ZFYVE16: variants seen among roughly 807,000 people sequenced by gnomAD.
The protein encoded by ZFYVE16 is zinc finger FYVE-type containing 16, also known as zinc finger FYVE domain-containing protein 16.
Under a neutral mutation model 138.1 loss-of-function variants are expected in ZFYVE16, and 89 were observed. That is an observed-to-expected ratio of 0.64 (90% CI 0.54 to 0.77). The LOEUF is 0.77. ZFYVE16 is among the 30% of genes least tolerant of loss of function. The probability of loss-of-function intolerance (pLI) is 0.00; values close to 1 mark genes in which losing one functional copy is unlikely to be tolerated. For synonymous variants in ZFYVE16, 596 were observed against 618.3 expected (o/e 0.96, Z 0.53); for missense variants, 1,793 against 1,786.7 (o/e 1.00, Z -0.06).
chr5:80,452,365 G>T (rs1580287045), intron 11 of ZFYVE16: 1 of 149,092 alleles, frequency 6.7e-6, no homozygotes, highest in East Asian at 2.0e-4. Flanking sequence ...AACCCAGGAG[G>T]CAGATTTGCA....
chr5:80,420,268 A>G (rs1418392770), intron 1 of ZFYVE16, among the ~76,000 whole-genome samples: 2 of 151,888 alleles, frequency 1.3e-5, no homozygotes, highest in East Asian at 1.9e-4. Context: ...CACCACGCCC[A>G]GCTAATTTTT....
chr5:80,460,707 AT>A (rs1202513467), intron 15 of ZFYVE16, among the ~76,000 whole-genome samples: 1 of 152,014 alleles, frequency 6.6e-6, no homozygotes, highest in Non-Finnish European at 1.5e-5. Flanking sequence ...AGCATGTTTT[AT>A]TTGCACAAGA....
intron 15 of ZFYVE16, among the ~76,000 whole-genome samples, chr5:80,468,031 A>G (rs554047115): frequency 1.3e-5 from 2 of 152,212 alleles, no homozygotes; most frequent in South Asian, 4.2e-4. Flanking sequence ...CTGTACCCCA[A>G]GCTACTCAGG....
chr5:80,425,236 G>A (rs1040375456), intron 1 of ZFYVE16, among the ~76,000 whole-genome samples: 5 of 151,996 alleles, frequency 3.3e-5, no homozygotes, highest in Admixed American at 2.6e-4. Flanking sequence ...TCGTCCCTCT[G>A]GGCATTACTT....
intron 5 of ZFYVE16, chr5:80,440,413 AG>A: frequency 5.1e-6 from 5 of 987,450 alleles, no homozygotes; most frequent in Non-Finnish European, 6.0e-6. Context: ...TTAATAGCAC[AG>A]GGCAAGATAA....
chr5:80,442,843 A>G (rs1390997850), intron 5 of ZFYVE16, among the ~76,000 whole-genome samples: 1 of 152,234 alleles, frequency 6.6e-6, no homozygotes, highest in Non-Finnish European at 1.5e-5. Flanking sequence ...AAAAACAGAG[A>G]CAGTCATGTA....
intron 14 of ZFYVE16, among the ~76,000 whole-genome samples, 166 bp from the exon 15 acceptor site, chr5:80,459,248 A>C (rs1404450663): frequency 6.6e-6 from 1 of 152,186 alleles, no homozygotes; most frequent in African/African-American, 2.4e-5. Context: ...ATTTTAATGT[A>C]ATATTTTATC....
rs907635998 is a variant in ZFYVE16 at position 80,480,093 on chromosome 5, C to G, written c.*2716C>G. The stretch of plus-strand genomic sequence containing the variant: ...TACTTTTCAAATATGTCTAGTAACA[C>G]ATAGTAAAAAGTAGTCATATAAGGA... On this transcript the variant is annotated 3_prime_UTR_variant, in exon 19 of 19. Transcript: ENST00000505560. 1.5e-4 allele frequency among the ~76,000 whole-genome samples: 23 copies of G among 150,378 alleles called. No individual in the cohort carries two copies. Among genetic ancestry groups the G allele is most frequent in the African/African-American group, 5.5e-4 (22 of 39,810 alleles).
chr5:80,438,961 A>G lies in ZFYVE16; in HGVS notation c.2276A>G (p.Lys759Arg), dbSNP rs1487640289. The G allele has an allele frequency of 8.1e-6, 13 of 1,613,320 alleles. No individual in the cohort carries two copies. The Middle Eastern group carries it at 4.9e-4, about 61-fold the overall frequency. ...CCAAACTGTATGAACTGCCAAGTCA[A>G]ATTTACTTTTACCAAACGGCGACAC... ...EAPNCMNCQV[K>R]FTFTKRRHHC... is the part of the protein sequence containing the mutation. Residue 759 changes from lysine (K) to arginine (R), a missense_variant, in exon 4 of 19, where the codon AAA becomes AGA. Physicochemically the swap from Lys to Arg is conservative, Grantham distance 26 (BLOSUM62 2). This residue lies in a region of ZFYVE16 where 1,295 missense variants were observed against 1,204.3 expected (regional missense o/e 1.08). Coordinates refer to ENST00000505560, the MANE Select transcript of ZFYVE16 (RefSeq NM_001284236.3).
intron 9 of ZFYVE16, 35 bp downstream of exon 9, chr5:80,449,748 T>G: frequency 3.9e-6 from 6 of 1,551,918 alleles, no homozygotes; most frequent in Non-Finnish European, 5.2e-6. Flanking sequence ...GCTTAATTGG[T>G]AAGCAGGATT....
At chr5:80,475,734 A>G (rs1314652714) in intron 18 of ZFYVE16, among the ~76,000 whole-genome samples, 1 of 152,132 alleles carries the variant, frequency 6.6e-6, no homozygotes, top group Non-Finnish European at 1.5e-5. Flanking sequence ...AATTTATCTA[A>G]CTAATTATTC....
chr5:80,420,089 C>T (rs1167539839), intron 1 of ZFYVE16, among the ~76,000 whole-genome samples: 1 of 148,564 alleles, frequency 6.7e-6, no homozygotes, highest in East Asian at 2.0e-4. Context: ...GGATTACAGG[C>T]GTGAGCCAGC....
At chr5:80,429,292 A>G (rs1376937939) in intron 2 of ZFYVE16, among the ~76,000 whole-genome samples, 3 of 152,250 alleles carry the variant, frequency 2.0e-5, no homozygotes, top group Non-Finnish European at 2.9e-5. Context: ...GTGGGGGCCA[A>G]TATCAACATT....
At position 80,478,379 on chromosome 5, in the gene ZFYVE16, T is replaced by G. The variant is rs542173345; in HGVS notation, c.*1002T>G. ...TGTATAAGTATAAATTTAAATGAAC[T>G]AATTACTTTTGCATATTTTAAATTC... On this transcript the variant is annotated 3_prime_UTR_variant, in exon 19 of 19. Coordinates refer to ENST00000505560, the MANE Select transcript of ZFYVE16 (RefSeq NM_001284236.3). The G allele has an allele frequency of 4.4e-4, 67 of 152,200 alleles. No individual in the cohort carries two copies. The highest frequency in any genetic ancestry group is 1.5e-3 in the African/African-American group (64 of 41,574). 9.4% of individuals were successfully genotyped at this position (152,200 alleles called of 1,614,324 possible).
chr5:80,445,697 A>G (rs1400797772), intron 7 of ZFYVE16, among the ~76,000 whole-genome samples: 1 of 151,900 alleles, frequency 6.6e-6, no homozygotes, highest in Admixed American at 6.6e-5. Flanking sequence ...AGTAGCTGGG[A>G]TCACAGAAGT....
chr5:80,438,037 T>C lies in ZFYVE16; in HGVS notation c.1352T>C (p.Met451Thr), dbSNP rs1043400529. The change falls in exon 4 of 19, where the codon ATG (methionine) becomes ACG (threonine). Residue 451 changes from methionine (M) to threonine (T), a missense_variant. Met to Thr is a moderately conservative substitution (Grantham distance 81, BLOSUM62 -1). Transcript: ENST00000505560. The stretch of plus-strand genomic sequence containing the variant: ...CTCCTTCAGTCATTAATTGAAGGGA[T>C]GGAAGACAGAAAGATAGATCCTGAC... ...SILLQSLIEGMEDRKIDPDQT... is the reference protein window; with the variant it reads ...SILLQSLIEGTEDRKIDPDQT... 1 of 1,614,026 alleles carries C rather than the reference T, an allele frequency of 6.2e-7. No individual in the cohort carries two copies. Among genetic ancestry groups the C allele is most frequent in the Non-Finnish European group, 8.5e-7 (1 of 1,179,996 alleles).
At chr5:80,419,684 T>C (rs927316028) in intron 1 of ZFYVE16, among the ~76,000 whole-genome samples, 2 of 151,926 alleles carry the variant, frequency 1.3e-5, no homozygotes, top group Non-Finnish European at 2.9e-5. Flanking sequence ...GCTGATTCTT[T>C]CTCTTTTCAT....
In ZFYVE16 at chr5:80,434,138, T is replaced by C. The variant is rs749257174; in HGVS notation, c.-10T>C. ...ACAAGAATTAAATTCTGAATAAGTC[T>C]GCAGGTAGGATGGACAGTTATTTTA... On this transcript the variant is annotated 5_prime_UTR_variant, in exon 3 of 19. Transcript: ENST00000505560. The C allele has an allele frequency of 6.2e-7, 1 of 1,611,818 alleles. No homozygotes were observed. Among genetic ancestry groups the C allele is most frequent in the East Asian group, 2.2e-5 (1 of 44,788 alleles).
intron 8 of ZFYVE16, 73 bp from the exon 9 acceptor site, chr5:80,449,518 A>G: frequency 6.7e-7 from 1 of 1,486,708 alleles, no homozygotes; most frequent in Non-Finnish European, 9.1e-7. Flanking sequence ...GGATTTATAA[A>G]TTTGTTTTTT....
Sources: allele counts gnomAD v4.1 joint callset (sites outside exome capture counted in the v4.1 genomes callset), GRCh38; gene constraint gnomAD v4.1.1; regional missense constraint gnomAD v4.1.1; transcripts MANE v1.5; gene names NCBI Gene and HGNC (gene_info 2026-07-23, HGNC 2026-07-21).